MDGA1: variants seen among roughly 807,000 people sequenced by gnomAD.
The protein encoded by MDGA1 is MAM domain containing glycosylphosphatidylinositol anchor 1, also known as MAM domain-containing glycosylphosphatidylinositol anchor protein 1.
Under a neutral mutation model 101.5 loss-of-function variants are expected in MDGA1, and 54 were observed. The ratio of observed to expected loss-of-function variants is 0.53; its 90% confidence interval spans 0.43 to 0.67. The LOEUF is 0.67. Among genes scored for constraint, MDGA1 ranks in the 30% least tolerant of loss-of-function variants. The probability of loss-of-function intolerance (pLI) is 0.00; values close to 1 mark genes in which losing one functional copy is unlikely to be tolerated. For missense variants in MDGA1, 1,083 were observed against 1,323.8 expected, an observed-to-expected ratio of 0.82 and a Z score of 2.82; for synonymous variants, 533 against 558.3, an observed-to-expected ratio of 0.95 and a Z score of 0.64.
chr6:37,637,956 G>T, intron 16 of MDGA1: 1 of 569,454 alleles, frequency 1.8e-6, no homozygotes, highest in East Asian at 2.9e-5. Context: ...CACAGGAGGC[G>T]CTCTGATACC....
At chr6:37,662,460 C>T (rs943610886) in intron 2 of MDGA1, among the ~76,000 whole-genome samples, 1 of 151,836 alleles carries the variant, frequency 6.6e-6, no homozygotes, top group Non-Finnish European at 1.5e-5. Context: ...CATAGGGACA[C>T]CCTGTATCTA....
At chr6:37,645,711 C>A (rs1464324355) in intron 12 of MDGA1, among the ~76,000 whole-genome samples, 2 of 152,072 alleles carry the variant, frequency 1.3e-5, no homozygotes, top group African/African-American at 4.8e-5. Context: ...TAAGCCTCTC[C>A]CCACCTACCT....
intron 1 of MDGA1, among the ~76,000 whole-genome samples, chr6:37,677,856 C>T (rs996929460): frequency 6.6e-6 from 1 of 152,164 alleles, no homozygotes; most frequent in Non-Finnish European, 1.5e-5. Context: ...CCCCTCCGAC[C>T]TCGGGTCACT....
chr6:37,644,669 T>A lies in MDGA1; in HGVS notation c.2249-20A>T. The A allele has an allele frequency of 6.5e-7, 1 of 1,546,086 alleles. No individual in the cohort carries two copies. Among genetic ancestry groups the A allele is most frequent in the Non-Finnish European group, 8.7e-7 (1 of 1,144,708 alleles). On this transcript the variant is annotated intron_variant, in intron 12 of 16. Coordinates refer to ENST00000434837, the MANE Select transcript of MDGA1 (RefSeq NM_153487.4). Reference sequence around the variant, plus strand: ...TGTTGTCTGCATTTTATGGGGCGAATGAGACAAAGAGTCAGCCTCTTCAGT... The same window carrying A: ...TGTTGTCTGCATTTTATGGGGCGAAAGAGACAAAGAGTCAGCCTCTTCAGT...
intron 1 of MDGA1, among the ~76,000 whole-genome samples, chr6:37,673,107 C>T (rs1045178805): frequency 1.3e-5 from 2 of 152,176 alleles, no homozygotes; most frequent in Admixed American, 6.5e-5. Flanking sequence ...TGAGGTTCAG[C>T]GAGGTTATAT....
intron 1 of MDGA1, among the ~76,000 whole-genome samples, chr6:37,676,017 G>A (rs935160394): frequency 2.6e-5 from 4 of 152,174 alleles, no homozygotes; most frequent in Non-Finnish European, 5.9e-5. Context: ...ACATAACAGG[G>A]CTCCCTATTG....
At chr6:37,688,114 G>T (rs996276009) in intron 1 of MDGA1, among the ~76,000 whole-genome samples, 2 of 152,232 alleles carry the variant, frequency 1.3e-5, no homozygotes, top group African/African-American at 4.8e-5. Flanking sequence ...AGCTTGGGCA[G>T]TAACCTGGAA....
rs995338286 is a variant in MDGA1 at position 37,635,399 on chromosome 6, A to C, written c.*1969T>G. The C allele has an allele frequency of 5.0e-6, 2 of 398,112 alleles. No individual in the cohort carries two copies. The highest frequency in any genetic ancestry group is 4.1e-5 in the African/African-American group (2 of 48,626). The allele number at this position is 398,112 out of a possible 1,614,324, so 24.7% of individuals were successfully genotyped here. A position where few individuals can be genotyped will look rare whatever the true frequency, so the allele number is the denominator to read the frequency against. On this transcript the variant is annotated 3_prime_UTR_variant, in exon 17 of 17. Coordinates refer to ENST00000434837, the MANE Select transcript of MDGA1 (RefSeq NM_153487.4). ...GGGCAATGGACTCTGCACAGATGGG[A>C]CAGTTAAGGAACAATACCCGACAGA...
chr6:37,651,925 T>C (rs1581857652), intron 7 of MDGA1, 86 bp downstream of exon 7: 2 of 1,190,148 alleles, frequency 1.7e-6, no homozygotes, highest in Non-Finnish European at 2.3e-6. Context: ...GGCTTCCCTT[T>C]CCCAAGCCGT....
chr6:37,673,021 C>G (rs11966394), intron 1 of MDGA1, among the ~76,000 whole-genome samples: 10,424 of 146,918 alleles, frequency 0.071, 1,150 homozygotes, highest in African/African-American at 0.24. Context: ...GCAATATATT[C>G]AGTGCTTTAT....
At chr6:37,646,111 C>T (rs1761187529) in intron 11 of MDGA1, 87 bp downstream of exon 11, 1 of 1,557,680 alleles carries the variant, frequency 6.4e-7, no homozygotes, top group African/African-American at 1.4e-5. Flanking sequence ...TGGGGAACCC[C>T]AAGCTTAGGA....
intron 1 of MDGA1, among the ~76,000 whole-genome samples, chr6:37,673,824 A>G (rs1372341222): frequency 5.3e-5 from 8 of 152,086 alleles, no homozygotes; most frequent in African/African-American, 1.9e-4. Context: ...CTGAACGCAG[A>G]GCATCTTGAG....
Position 37,696,968 on chromosome 6 carries a change from G to A in MDGA1, c.-157C>T, listed in dbSNP as rs1191838710. 4 of 633,000 alleles carry A rather than the reference G, an allele frequency of 6.3e-6. No individual in the cohort carries two copies. Among genetic ancestry groups the A allele is most frequent in the Non-Finnish European group, 5.5e-6 (2 of 362,140 alleles). The allele number at this position is 633,000 out of a possible 1,614,324, so 39.2% of individuals were successfully genotyped here. A position where few individuals can be genotyped will look rare whatever the true frequency, so the allele number is the denominator to read the frequency against. On this transcript the variant is annotated 5_prime_UTR_variant, in exon 1 of 17. Coordinates refer to ENST00000434837, the MANE Select transcript of MDGA1 (RefSeq NM_153487.4). The surrounding 1 kb of genome is among the most constrained non-coding windows in gnomAD (Gnocchi z 5.6). ...AGACCAGGAGACTGAAGAGGCGGAG[G>A]TGGCGGCGACCCGTGTTTCTCCTCC...
chr6:37,674,279 C>T (rs1050378756), intron 1 of MDGA1, among the ~76,000 whole-genome samples: 4 of 152,278 alleles, frequency 2.6e-5, no homozygotes, highest in Non-Finnish European at 4.4e-5. Flanking sequence ...TCACTGAATA[C>T]AGCAACCAGC....
rs1304038464 is a variant in MDGA1, at chr6:37,663,984, C to G, written c.190G>C (p.Gly64Arg). 9.3e-6 allele frequency: 15 copies of G among 1,613,884 alleles called. No individual in the cohort carries two copies. The highest frequency in any genetic ancestry group is 1.3e-5 in the Non-Finnish European group (15 of 1,179,810). The change falls in exon 2 of 17, where the codon GGG (glycine) becomes CGG (arginine). Residue 64 changes from glycine to arginine, a missense_variant. This residue lies in a region of MDGA1 where 310 missense variants were observed against 355.9 expected (regional missense o/e 0.87). Coordinates refer to ENST00000434837, the MANE Select transcript of MDGA1 (RefSeq NM_153487.4). ...GGGCTTACCTGGGGTCGAGGGTGCCCTGTTACAAGGCACTGCAGCATGAGG... is the reference window on the plus strand; with the variant it reads ...GGGCTTACCTGGGGTCGAGGGTGCCGTGTTACAAGGCACTGCAGCATGAGG... ...DTLMLQCLVT[G>R]HPRPQVRWTK...
intron 1 of MDGA1, among the ~76,000 whole-genome samples, chr6:37,674,642 T>C (rs948458785): frequency 1.3e-5 from 2 of 152,192 alleles, no homozygotes; most frequent in Non-Finnish European, 1.5e-5. Context: ...CACCCACTTA[T>C]AGAACTAGAG....
rs1761448810 is a variant in MDGA1 at position 37,654,874 on chromosome 6, G to A, written c.638C>T (p.Thr213Ile). ...NLRPQDYASY[T>I]CQVSVRNVCG... ...CACGTTACGCACAGACACCTGGCAG[G>A]TGTAGCTGGCATAGTCCTGGGGCCG... The change falls in exon 5 of 17, where the codon ACC becomes ATC. Residue 213 changes from threonine (T) to isoleucine (I), a missense_variant. Coordinates refer to ENST00000434837, the MANE Select transcript of MDGA1 (RefSeq NM_153487.4). The A allele has an allele frequency of 6.2e-7, 1 of 1,613,822 alleles. No individual in the cohort carries two copies. The highest frequency in any genetic ancestry group is 8.5e-7 in the Non-Finnish European group (1 of 1,179,848).
intron 12 of MDGA1, 97 bp from the exon 13 acceptor site, chr6:37,644,746 T>C: frequency 7.9e-7 from 1 of 1,265,238 alleles, no homozygotes; most frequent in Non-Finnish European, 1.0e-6. Flanking sequence ...CTCCCATGCA[T>C]CCAAGCAAGG....
At chr6:37,653,313 A>G (rs774243521) in intron 6 of MDGA1, among the ~76,000 whole-genome samples, 3 of 152,236 alleles carry the variant, frequency 2.0e-5, no homozygotes, top group Non-Finnish European at 4.4e-5. Context: ...GTCATTAGTC[A>G]CAGTTTTAAA....
Sources: allele counts gnomAD v4.1 joint callset (sites outside exome capture counted in the v4.1 genomes callset), GRCh38; gene constraint gnomAD v4.1.1; regional missense constraint gnomAD v4.1.1; non-coding constraint Gnocchi (gnomAD v3.1); transcripts MANE v1.5; gene names NCBI Gene and HGNC (gene_info 2026-07-23, HGNC 2026-07-21).